ARHGAP42: variants seen among roughly 807,000 people sequenced by gnomAD.
The protein encoded by ARHGAP42 is Rho GTPase activating protein 42, also known as rho GTPase-activating protein 42.
A neutral mutation model predicts 125.0 loss-of-function variants in ARHGAP42; 63 were observed. That is an observed-to-expected ratio of 0.50 (90% CI 0.41 to 0.62). The LOEUF (loss-of-function observed/expected upper bound fraction) is 0.62. Among genes scored for constraint, ARHGAP42 ranks in the 20% least tolerant of loss-of-function variants. ARHGAP42 has a pLI of 0.00. For missense variants in ARHGAP42, 766 were observed against 1,024.2 expected, an observed-to-expected ratio of 0.75 and a Z score of 3.44; for synonymous variants, 339 against 351.0, an observed-to-expected ratio of 0.97 and a Z score of 0.38.
chr11:100,895,269 G>A (rs1392916881), intron 4 of ARHGAP42, among the ~76,000 whole-genome samples: 2 of 152,052 alleles, frequency 1.3e-5, no homozygotes, highest in Non-Finnish European at 2.9e-5. Flanking sequence ...TGTGTGGGAA[G>A]TAAAACGTGT....
rs375524146 is a variant in ARHGAP42 at position 100,699,430 on chromosome 11, T to G, written c.154+11598T>G. On this transcript the variant is annotated intron_variant, in intron 1 of 23. Transcript: ENST00000298815. ...GTCTGCATTAATATATTTTTATATA[T>G]AGAGAGATTAATGATTTTTTTCTTA... 1.1e-3 allele frequency among the ~76,000 whole-genome samples: 154 copies of G among 146,438 alleles called. 1 individual carries two copies. Among genetic ancestry groups the G allele is most frequent in the African/African-American group, 2.1e-3 (84 of 40,106 alleles).
chr11:100,897,125 G>A (rs1438127459), intron 4 of ARHGAP42, among the ~76,000 whole-genome samples: 4 of 152,086 alleles, frequency 2.6e-5, no homozygotes, highest in Non-Finnish European at 5.9e-5. Context: ...GTTTTTGTCA[G>A]GTTTGTCAAA....
chr11:100,724,951 C>T (rs568631282), intron 1 of ARHGAP42, among the ~76,000 whole-genome samples: 16 of 152,018 alleles, frequency 1.1e-4, no homozygotes, highest in African/African-American at 3.9e-4. Context: ...CTACTATATG[C>T]ATTTATTGCT....
At chr11:100,713,071 C>T (rs1861591465) in intron 1 of ARHGAP42, among the ~76,000 whole-genome samples, 1 of 152,114 alleles carries the variant, frequency 6.6e-6, no homozygotes, top group Non-Finnish European at 1.5e-5. Flanking sequence ...ATTAATTATA[C>T]CAGGTGTTCC....
intron 22 of ARHGAP42, chr11:100,986,339 A>G: frequency 3.4e-6 from 1 of 297,674 alleles, no homozygotes; most frequent in Non-Finnish European, 6.5e-6. Context: ...GGACATGGAC[A>G]TAGCTGGCCT....
At chr11:100,772,859 CAG>C (rs1863015284) in intron 2 of ARHGAP42, among the ~76,000 whole-genome samples, 1 of 152,186 alleles carries the variant, frequency 6.6e-6, no homozygotes, top group African/African-American at 2.4e-5. Context: ...TATTTTGAGA[CAG>C]AGTCTTGCTC....
At chr11:100,809,517 A>C (rs557493709) in intron 3 of ARHGAP42, among the ~76,000 whole-genome samples, 8 of 152,364 alleles carry the variant, frequency 5.3e-5, no homozygotes, top group African/African-American at 1.9e-4. Context: ...GTTGTGTATG[A>C]AATTTTACAA....
chr11:100,906,358 A>C (rs1866737021), intron 4 of ARHGAP42, among the ~76,000 whole-genome samples: 1 of 152,202 alleles, frequency 6.6e-6, no homozygotes, highest in African/African-American at 2.4e-5. Flanking sequence ...GTCCTCAGAA[A>C]TTTGAAGGCT....
intron 2 of ARHGAP42, among the ~76,000 whole-genome samples, chr11:100,776,004 A>G (rs1445489969): frequency 6.6e-6 from 1 of 152,128 alleles, no homozygotes; most frequent in African/African-American, 2.4e-5. Context: ...TACTCAAAAT[A>G]CAAAATTAGC....
rs756481865 is a variant in ARHGAP42, at chr11:100,987,590, A to G, written c.2534A>G (p.Asn845Ser). 6 of 1,550,958 alleles carry G rather than the reference A, an allele frequency of 3.9e-6. No individual in the cohort carries two copies. The highest frequency in any genetic ancestry group is 1.7e-6 in the Non-Finnish European group (2 of 1,146,362). ...LSFPQGAIFS[N>S]VYPSVEPGWL... The stretch of plus-strand genomic sequence containing the variant: ...TTCCCACAAGGAGCAATATTTTCTA[A>G]TGGTAAGTATGTCAATTCCCTCTGC... The change falls in exon 23 of 24, where the codon AAT (asparagine) becomes AGT (serine). Residue 845 changes from asparagine (N) to serine (S), a missense_variant and splice_region_variant. Asn to Ser is a conservative substitution (Grantham distance 46). This residue lies in a region of ARHGAP42 where 308 missense variants were observed against 369.7 expected (regional missense o/e 0.83). Coordinates refer to ENST00000298815, the MANE Select transcript of ARHGAP42 (RefSeq NM_152432.4).
At position 100,991,568 on chromosome 11, in the gene ARHGAP42, A is replaced by C. The variant is rs1858832409; in HGVS notation, c.*2767A>C. ...CCTGAGTTATGTGAAAATATCCCTC[A>C]GTACAAAACATTTGTGTGTTTCACA... On this transcript the variant is annotated 3_prime_UTR_variant, in exon 24 of 24. Transcript: ENST00000298815. The C allele has an allele frequency of 6.6e-6, 1 of 152,178 alleles. No individual in the cohort carries two copies. Among genetic ancestry groups the C allele is most frequent in the Admixed American group, 6.5e-5 (1 of 15,274 alleles). The allele number at this position is 152,178 out of a possible 1,614,324, so 9.4% of individuals were successfully genotyped here. A position where few individuals can be genotyped will look rare whatever the true frequency, so the allele number is the denominator to read the frequency against.
rs1250589813 is a variant in ARHGAP42 at position 100,980,564 on chromosome 11, T to C, written c.2456+1515T>C. Among the ~76,000 whole-genome samples the C allele has an allele frequency of 9.3e-3, 554 of 59,582 alleles. 11 individuals are homozygous for C. Among genetic ancestry groups the C allele is most frequent in the African/African-American group, 0.038 (411 of 10,802 alleles). The allele number at this position is 59,582 out of a possible 152,430, so 39.1% of individuals were successfully genotyped here. ...TCATACTTCTTTTTCTTCTTCTTTT[T>C]TTTTTTTTTTTTTTTTTTTTTTTTT... On this transcript the variant is annotated intron_variant, in intron 22 of 23. Transcript: ENST00000298815.
chr11:100,697,339 C>A (rs180679775), intron 1 of ARHGAP42, among the ~76,000 whole-genome samples: 1 of 152,168 alleles, frequency 6.6e-6, no homozygotes, highest in Non-Finnish European at 1.5e-5. Context: ...CCCGGCACCA[C>A]GCCCGGCTGA....
intron 4 of ARHGAP42, among the ~76,000 whole-genome samples, chr11:100,898,419 C>A (rs11534487): frequency 6.6e-6 from 1 of 151,900 alleles, no homozygotes; most frequent in Non-Finnish European, 1.5e-5. Flanking sequence ...AAGAATGGTA[C>A]CAGCTCCCCT....
intron 4 of ARHGAP42, among the ~76,000 whole-genome samples, 179 bp from the exon 5 acceptor site, chr11:100,913,273 T>C (rs1866974613): frequency 6.6e-6 from 1 of 152,218 alleles, no homozygotes; most frequent in Non-Finnish European, 1.5e-5. Context: ...GCAGAGTACA[T>C]ACTGAAATGG....
Position 100,855,727 on chromosome 11 carries a change from C to T in ARHGAP42, c.313-3827C>T, listed in dbSNP as rs1421098568. Among the ~76,000 whole-genome samples the T allele has an allele frequency of 2.0e-5, 3 of 152,110 alleles. No individual in the cohort carries two copies. The East Asian group carries it at 5.8e-4, about 29-fold the overall frequency. On this transcript the variant is annotated intron_variant, in intron 3 of 23. Transcript: ENST00000298815. The stretch of plus-strand genomic sequence containing the variant: ...AGTGACAGGAAACTTAATTGCCTGA[C>T]TTAAATAACCTACCCACAGTAAAAT...
At chr11:100,770,317 AT>A in intron 1 of ARHGAP42, 25 bp from the exon 2 acceptor site, 3 of 1,486,440 alleles carry the variant, frequency 2.0e-6, no homozygotes, top group South Asian at 1.3e-5. Context: ...CACCTTATGG[AT>A]TTTTTGCTTA....
At chr11:100,812,536 G>A (rs1864171323) in intron 3 of ARHGAP42, among the ~76,000 whole-genome samples, 3 of 152,160 alleles carry the variant, frequency 2.0e-5, no homozygotes, top group East Asian at 1.9e-4. Flanking sequence ...GTAGCAGAGG[G>A]GGCTGTAGGT....
At chr11:100,746,408 C>T (rs971816875) in intron 1 of ARHGAP42, among the ~76,000 whole-genome samples, 10 of 152,184 alleles carry the variant, frequency 6.6e-5, no homozygotes, top group Non-Finnish European at 1.3e-4. Context: ...ACCATGCAGC[C>T]CACGCCCAGT....
Sources: gnomAD v4.1 joint callset for allele counts (sites outside exome capture counted in the v4.1 genomes callset) on GRCh38, gnomAD v4.1.1 for gene constraint, gnomAD v4.1.1 regional missense constraint, MANE v1.5 for transcripts, NCBI Gene and HGNC (gene_info 2026-07-23, HGNC 2026-07-21) for gene names.